Variants in SORBS2 observed in about 807,000 individuals in gnomAD.
SORBS2 encodes the protein sorbin and SH3 domain containing 2.
SORBS2 carries 46 observed loss-of-function variants against 97.7 expected under a neutral mutation model. The observed-to-expected ratio is 0.47, with a 90% CI of 0.37 to 0.60. The LOEUF (loss-of-function observed/expected upper bound fraction) is 0.60. Ranked by LOEUF, SORBS2 falls within the 20% of genes least tolerant of loss-of-function variation. The pLI is 0.00. For synonymous variants in SORBS2, 476 were observed against 473.4 expected, an observed-to-expected ratio of 1.01 and a Z score of -0.07; for missense variants, 1,316 against 1,282.3, an observed-to-expected ratio of 1.03 and a Z score of -0.40.
At chr4:185,624,046 G>A (rs978440617) in exon 7 of SORBS2, 8 of 1,614,176 alleles carry the variant, frequency 5.0e-6, no homozygotes, top group Non-Finnish European at 6.8e-6. Context: ...GGTTGATGCG[G>A]TGCATTTTCT....
Position 185,936,872 on chromosome 4 carries a change from A to G in SORBS2, c.-338+19324T>C, listed in dbSNP as rs552836063. Among the ~76,000 whole-genome samples the G allele has an allele frequency of 3.3e-5, 5 of 152,358 alleles. 1 individual carries two copies. In the South Asian group the frequency reaches 1.0e-3, roughly 32 times the overall value. ...CACAGCATGCACGGCACGGCACAGCATGGCACGGGCTGTCAGTTTCACTGA... is the reference window on the plus strand; with the variant it reads ...CACAGCATGCACGGCACGGCACAGCGTGGCACGGGCTGTCAGTTTCACTGA... On this transcript the variant is annotated intron_variant, in intron 1 of 20. Transcript: ENST00000284776.
chr4:185,608,382 C>A (rs191651654), intron 12 of SORBS2, among the ~76,000 whole-genome samples: 1 of 152,276 alleles, frequency 6.6e-6, no homozygotes, highest in East Asian at 1.9e-4. Flanking sequence ...TAAATATTTA[C>A]ATAGAAAGCT....
At chr4:185,953,182 G>C (rs917801952) in intron 1 of SORBS2, among the ~76,000 whole-genome samples, 2 of 152,224 alleles carry the variant, frequency 1.3e-5, no homozygotes, top group Non-Finnish European at 2.9e-5. Context: ...AGGTGCAGGG[G>C]CGCACGCCTG....
chr4:185,736,143 C>T (rs1233353468), intron 2 of SORBS2, among the ~76,000 whole-genome samples: 1 of 152,222 alleles, frequency 6.6e-6, no homozygotes, highest in Non-Finnish European at 1.5e-5. Context: ...CCCTTGTCAT[C>T]ATCCCACAGA....
intron 1 of SORBS2, among the ~76,000 whole-genome samples, chr4:185,808,789 G>A (rs1363423405): frequency 2.0e-5 from 3 of 152,218 alleles, no homozygotes; most frequent in East Asian, 3.9e-4. Context: ...AACTTCATAA[G>A]TGTCTTACAT....
chr4:185,746,431 C>T (rs1259146323), intron 2 of SORBS2, among the ~76,000 whole-genome samples: 1 of 152,206 alleles, frequency 6.6e-6, no homozygotes, highest in Non-Finnish European at 1.5e-5. Flanking sequence ...ATTCTCCTGC[C>T]TCAGCCTCCC....
chr4:185,586,535 A>T (rs2095802757), exon 15 of SORBS2: 1 of 152,672 alleles, frequency 6.5e-6, no homozygotes, highest in Non-Finnish European at 1.5e-5. Context: ...TGCTAAAACC[A>T]ACTTTAATAC....
intron 12 of SORBS2, among the ~76,000 whole-genome samples, chr4:185,610,250 G>C (rs970884899): frequency 1.6e-4 from 25 of 152,220 alleles, no homozygotes; most frequent in Admixed American, 1.6e-3. Flanking sequence ...AGGTACAGTT[G>C]CTTTGAAATT....
intron 1 of SORBS2, among the ~76,000 whole-genome samples, chr4:185,944,905 T>C (rs201469055): frequency 1.2e-5 from 1 of 82,168 alleles, no homozygotes; most frequent in Non-Finnish European, 3.1e-5. Flanking sequence ...CAAACCCTGT[T>C]ACAAAACCAC....
intron 1 of SORBS2, among the ~76,000 whole-genome samples, chr4:185,808,485 G>A (rs1396347679): frequency 1.3e-5 from 2 of 152,038 alleles, no homozygotes; most frequent in Non-Finnish European, 2.9e-5. Context: ...CTGAAATCAG[G>A]CTTATTTAAA....
At chr4:185,672,834 A>G (rs1342707654) in intron 4 of SORBS2, among the ~76,000 whole-genome samples, 1 of 152,218 alleles carries the variant, frequency 6.6e-6, no homozygotes, top group African/African-American at 2.4e-5. Flanking sequence ...AGTGCTTGGC[A>G]TTGGCTGAGA....
In SORBS2 at chr4:185,684,241, C is replaced by T. The variant is rs963821214; in HGVS notation, c.-197-5419G>A. Reference sequence around the variant, plus strand: ...CTGAGTGGATGCTGAAATCTCGCACCCCCAGTGACTTCCTATCTGTGGGTA... The same window carrying T: ...CTGAGTGGATGCTGAAATCTCGCACTCCCAGTGACTTCCTATCTGTGGGTA... On this transcript the variant is annotated intron_variant, in intron 2 of 20. Transcript: ENST00000284776. The surrounding 1 kb of genome is among the most constrained non-coding windows in gnomAD (Gnocchi z 4.2). 1.3e-5 allele frequency among the ~76,000 whole-genome samples: 2 copies of T among 152,122 alleles called. No individual in the cohort carries two copies. The highest frequency in any genetic ancestry group is 4.8e-5 in the African/African-American group (2 of 41,424).
intron 1 of SORBS2, among the ~76,000 whole-genome samples, chr4:185,845,171 C>T (rs1027234390): frequency 7.2e-5 from 11 of 151,942 alleles, no homozygotes; most frequent in African/African-American, 1.9e-4. Context: ...CACCACCACC[C>T]CCCAGCTAAT....
At chr4:185,914,965 T>C (rs66547080) in intron 1 of SORBS2, among the ~76,000 whole-genome samples, 1 of 152,002 alleles carries the variant, frequency 6.6e-6, no homozygotes, top group Non-Finnish European at 1.5e-5. Flanking sequence ...ATTTTTTCCA[T>C]CTCCTTCAGT....
chr4:185,765,738 A>G (rs1180737085), intron 2 of SORBS2, among the ~76,000 whole-genome samples: 1 of 152,242 alleles, frequency 6.6e-6, no homozygotes, highest in East Asian at 1.9e-4. Flanking sequence ...AATGTAGACA[A>G]GTAGGCATCA....
At chr4:185,702,917 A>G (rs2098285524) in intron 2 of SORBS2, among the ~76,000 whole-genome samples, 1 of 152,178 alleles carries the variant, frequency 6.6e-6, no homozygotes, top group South Asian at 2.1e-4. Flanking sequence ...GATTGTACAT[A>G]TCAAGCAGAA....
At position 185,603,867 on chromosome 4, in the gene SORBS2, A is replaced by G. The variant is rs143834978; in HGVS notation, c.2796+7913T>C. Among the ~76,000 whole-genome samples the G allele has an allele frequency of 2.4e-3, 369 of 152,340 alleles. 4 individuals carry two copies. Among genetic ancestry groups the G allele is most frequent in the Middle Eastern group, 6.8e-3 (2 of 294 alleles). Reference sequence around the variant, plus strand: ...AGATGGATGCTTTGTGAAGTGCTACAAAAGGATGATCCTTCCCACATCCTC... The same window carrying G: ...AGATGGATGCTTTGTGAAGTGCTACGAAAGGATGATCCTTCCCACATCCTC... On this transcript the variant is annotated intron_variant, in intron 12 of 14. Transcript: ENST00000418609.
intron 12 of SORBS2, among the ~76,000 whole-genome samples, chr4:185,596,740 A>G (rs138290040): frequency 0.011 from 1,631 of 151,942 alleles, 27 homozygotes; most frequent in African/African-American, 0.037. Flanking sequence ...TCACCATGTT[A>G]GCCAGGATGG....
chr4:185,690,914 T>G (rs1561937708), intron 2 of SORBS2, among the ~76,000 whole-genome samples: 1 of 151,994 alleles, frequency 6.6e-6, no homozygotes, highest in Non-Finnish European at 1.5e-5. Flanking sequence ...TTCTTTTTTT[T>G]TTTGAGACAG....
Sources: gnomAD v4.1 joint callset for allele counts (sites outside exome capture counted in the v4.1 genomes callset) on GRCh38, gnomAD v4.1.1 for gene constraint, Gnocchi (gnomAD v3.1) non-coding constraint, MANE v1.5 for transcripts, NCBI Gene and HGNC (gene_info 2026-07-23, HGNC 2026-07-21) for gene names.